The following EPHB1 variants were observed in gnomAD, a reference collection of about 807,000 sequenced individuals.
EPHB1 encodes the protein ephrin type-B receptor 1.
Under a neutral mutation model 94.4 loss-of-function variants are expected in EPHB1, and 30 were observed. The observed-to-expected ratio is 0.32, with a 90% CI of 0.24 to 0.43. EPHB1 has a LOEUF of 0.43. EPHB1 is among the 20% of genes least tolerant of loss of function. EPHB1 has a pLI of 1.00. For missense variants in EPHB1, 1,055 were observed against 1,308.3 expected (o/e 0.81, Z 2.99); for synonymous variants, 522 against 489.1 (o/e 1.07, Z -0.89).
intron 1 of EPHB1, among the ~76,000 whole-genome samples, chr3:134,863,229 C>G (rs2037304090): frequency 6.6e-6 from 1 of 152,228 alleles, no homozygotes. Context: ...ACAGTGCTCC[C>G]CAAGGCCCTG....
At chr3:134,877,951 A>G (rs1315591280) in intron 1 of EPHB1, among the ~76,000 whole-genome samples, 9 of 152,226 alleles carry the variant, frequency 5.9e-5, no homozygotes, top group Non-Finnish European at 1.3e-4. Flanking sequence ...TTCCAGGTGA[A>G]GTCGGAGTGA....
intron 1 of EPHB1, among the ~76,000 whole-genome samples, chr3:134,915,278 C>G (rs898399598): frequency 6.6e-6 from 1 of 152,150 alleles, no homozygotes; most frequent in Non-Finnish European, 1.5e-5. Context: ...AGAAGTCATA[C>G]TAGAGTATGA....
At chr3:135,136,073 C>T (rs899658314) in intron 5 of EPHB1, among the ~76,000 whole-genome samples, 6 of 152,166 alleles carry the variant, frequency 3.9e-5, no homozygotes, top group Admixed American at 1.3e-4. Flanking sequence ...AAGAGATCAG[C>T]AGGATGTCCC....
chr3:135,024,531 C>T (rs1338573350), intron 3 of EPHB1, among the ~76,000 whole-genome samples: 1 of 152,198 alleles, frequency 6.6e-6, no homozygotes, highest in African/African-American at 2.4e-5. Context: ...CCAGCCAGAG[C>T]AGAGCACGTG....
chr3:135,094,066 A>G (rs1274824407), intron 3 of EPHB1, among the ~76,000 whole-genome samples: 2 of 152,182 alleles, frequency 1.3e-5, no homozygotes, highest in East Asian at 1.9e-4. Context: ...TCTTTGAGCT[A>G]TGTGTGATTA....
At chr3:134,855,556 A>T (rs11718274) in intron 1 of EPHB1, among the ~76,000 whole-genome samples, 15,186 of 152,278 alleles carry the variant, frequency 0.1, 753 homozygotes, top group African/African-American at 0.11. Flanking sequence ...GCACAGAGAT[A>T]TCAGAAGTCA....
intron 4 of EPHB1, among the ~76,000 whole-genome samples, chr3:135,112,857 C>T (rs984499800): frequency 1.3e-5 from 2 of 152,014 alleles, no homozygotes; most frequent in South Asian, 2.1e-4. Flanking sequence ...AAAAGTCGAC[C>T]TTTTGACAAG....
At chr3:135,214,887 G>A (rs1943111777) in intron 12 of EPHB1, among the ~76,000 whole-genome samples, 2 of 152,324 alleles carry the variant, frequency 1.3e-5, no homozygotes, top group East Asian at 1.9e-4. Flanking sequence ...ATGGTGTGGT[G>A]AAATAGTTCT....
intron 15 of EPHB1, among the ~76,000 whole-genome samples, chr3:135,254,080 C>T (rs1196117023): frequency 4.7e-5 from 5 of 105,524 alleles, no homozygotes; most frequent in Non-Finnish European, 7.8e-5. Context: ...TGAGACTTTG[C>T]TGAAGTTGCT....
chr3:135,131,205 G>A (rs1246062121), intron 4 of EPHB1, among the ~76,000 whole-genome samples: 1 of 152,222 alleles, frequency 6.6e-6, no homozygotes, highest in East Asian at 1.9e-4. Context: ...CATGAACGCT[G>A]TGCTTTAGCT....
At chr3:134,943,943 C>G (rs931889107) in intron 2 of EPHB1, among the ~76,000 whole-genome samples, 1 of 152,226 alleles carries the variant, frequency 6.6e-6, no homozygotes, top group East Asian at 1.9e-4. Context: ...TATTTTAAAG[C>G]TATATTAAGG....
chr3:135,044,979 C>T (rs913375817), intron 3 of EPHB1, among the ~76,000 whole-genome samples: 1 of 152,116 alleles, frequency 6.6e-6, no homozygotes, highest in Non-Finnish European at 1.5e-5. Context: ...AAGATAGGTT[C>T]CGGAGATGCC....
chr3:135,209,321 A>G (rs572667469), intron 12 of EPHB1, among the ~76,000 whole-genome samples: 1 of 152,344 alleles, frequency 6.6e-6, no homozygotes, highest in African/African-American at 2.4e-5. Context: ...TCCCCCCAAA[A>G]TATTTATTTA....
intron 3 of EPHB1, among the ~76,000 whole-genome samples, chr3:134,983,439 C>T (rs1005750377): frequency 6.6e-6 from 1 of 152,236 alleles, no homozygotes; most frequent in Non-Finnish European, 1.5e-5. Flanking sequence ...CATCATGGCT[C>T]AGTGGGGCTC....
Position 135,200,052 on chromosome 3 carries a change from G to T in EPHB1, c.2131-1422G>T, listed in dbSNP as rs1942715472. On this transcript the variant is annotated intron_variant, in intron 11 of 15. Coordinates refer to ENST00000398015, the MANE Select transcript of EPHB1 (RefSeq NM_004441.5). ...GCAGTAAACATAGACTAGACCCCAG[G>T]TGTCCTGCTTCCATCTCTCCTCCAG... Among the ~76,000 whole-genome samples the T allele has an allele frequency of 3.3e-5, 5 of 152,226 alleles. No homozygotes were observed. The South Asian group carries it at 1.0e-3, about 32-fold the overall frequency.
Position 134,951,870 on chromosome 3 carries a change from A to G in EPHB1, c.623A>G (p.Glu208Gly). 3 of 1,614,022 alleles carry G rather than the reference A, an allele frequency of 1.9e-6. No homozygotes were observed. Among genetic ancestry groups the G allele is most frequent in the Non-Finnish European group, 2.5e-6 (3 of 1,179,894 alleles). The change falls in exon 3 of 16, where the codon GAG (glutamate) becomes GGG (glycine). Residue 208 changes from glutamate (E) to glycine (G), a missense_variant. Transcript: ENST00000398015. The surrounding 1 kb of genome is among the most constrained non-coding windows in gnomAD (Gnocchi z 4.5). ...GTGCAAAATTTTGCAGTGTTTCCAG[A>G]GACTATGACAGGGGCAGAGAGCACA... The part of the protein sequence containing the change: ...SIVQNFAVFP[E>G]TMTGAESTSL...
intron 1 of EPHB1, among the ~76,000 whole-genome samples, chr3:134,813,459 G>C (rs2036213075): frequency 6.6e-6 from 1 of 152,158 alleles, no homozygotes; most frequent in African/African-American, 2.4e-5. Context: ...CTTTCTTTTA[G>C]AGAAGAAAAG....
chr3:134,974,539 G>GC (rs1353506081), intron 3 of EPHB1, among the ~76,000 whole-genome samples: 1 of 151,984 alleles, frequency 6.6e-6, no homozygotes, highest in Non-Finnish European at 1.5e-5. Flanking sequence ...TTTCCACCTT[G>GC]CATGCATAGC....
intron 3 of EPHB1, among the ~76,000 whole-genome samples, chr3:135,081,595 T>C (rs73864250): frequency 0.023 from 3,500 of 152,282 alleles, 119 homozygotes; most frequent in African/African-American, 0.078. Context: ...TGCTCGCCAC[T>C]GCTGCCCAAG....
Sources: gnomAD v4.1 joint callset for allele counts (sites outside exome capture counted in the v4.1 genomes callset) on GRCh38, gnomAD v4.1.1 for gene constraint, Gnocchi (gnomAD v3.1) non-coding constraint, MANE v1.5 for transcripts, NCBI Gene and HGNC (gene_info 2026-07-23, HGNC 2026-07-21) for gene names.